PIK3CB: variants seen among roughly 807,000 people sequenced by gnomAD.
PIK3CB encodes phosphatidylinositol 4,5-bisphosphate 3-kinase catalytic subunit beta isoform.
Under a neutral mutation model 136.8 loss-of-function variants are expected in PIK3CB, and 39 were observed. The ratio of observed to expected loss-of-function variants is 0.29; its 90% CI spans 0.22 to 0.37. The LOEUF is 0.37. Among genes scored for constraint, PIK3CB ranks in the 10% least tolerant of loss-of-function variants. The pLI is 1.00. For synonymous variants in PIK3CB, 428 were observed against 436.6 expected, an observed-to-expected ratio of 0.98 and a Z score of 0.25; for missense variants, 868 against 1,275.4, an observed-to-expected ratio of 0.68 and a Z score of 4.87.
At chr3:138,722,779 T>C (rs868506705) in intron 8 of PIK3CB, among the ~76,000 whole-genome samples, 5 of 150,962 alleles carry the variant, frequency 3.3e-5, no homozygotes, top group Middle Eastern at 6.4e-3. Flanking sequence ...CAACAAAAAA[T>C]GTGATCTTGA....
intron 2 of PIK3CB, among the ~76,000 whole-genome samples, chr3:138,791,880 A>G (rs76883319): frequency 1.3e-3 from 198 of 152,292 alleles, no homozygotes; most frequent in Non-Finnish European, 2.4e-3. Flanking sequence ...TTTCCCTAAT[A>G]TATTTCCATA....
intron 1 of PIK3CB, among the ~76,000 whole-genome samples, chr3:138,815,964 C>T (rs893655841): frequency 6.6e-6 from 1 of 152,216 alleles, no homozygotes; most frequent in African/African-American, 2.4e-5. Flanking sequence ...CACACACACA[C>T]ACTCAGTGAT....
chr3:138,689,973 T>C (rs77387440), intron 15 of PIK3CB, among the ~76,000 whole-genome samples: 3 of 152,152 alleles, frequency 2.0e-5, no homozygotes, highest in Non-Finnish European at 4.4e-5. Context: ...CCAATTTTTT[T>C]CTTACTTAAA....
chr3:138,661,679 G>A (rs2043298258), intron 21 of PIK3CB, among the ~76,000 whole-genome samples: 1 of 152,184 alleles, frequency 6.6e-6, no homozygotes, highest in African/African-American at 2.4e-5. Context: ...ATGTATTATA[G>A]TGCATTACAA....
At chr3:138,757,301 T>C (rs1228016261) in intron 3 of PIK3CB, among the ~76,000 whole-genome samples, 2 of 151,838 alleles carry the variant, frequency 1.3e-5, no homozygotes, top group Non-Finnish European at 2.9e-5. Context: ...CTACTCAGGA[T>C]GCTGAAGCAG....
intron 8 of PIK3CB, among the ~76,000 whole-genome samples, chr3:138,732,873 TAC>T (rs1221719624): frequency 2.6e-5 from 4 of 151,986 alleles, no homozygotes; most frequent in African/African-American, 9.7e-5. Context: ...CACATATAGT[TAC>T]CTTTGTTTTT....
chr3:138,822,341 T>C (rs1226993583), intron 1 of PIK3CB, among the ~76,000 whole-genome samples: 2 of 150,660 alleles, frequency 1.3e-5, no homozygotes, highest in African/African-American at 2.4e-5. Flanking sequence ...AGATCAGGAG[T>C]TCGAGACCAG....
At chr3:138,822,422 CTGTAGTTCCAGCT>C (rs1242463927) in intron 1 of PIK3CB, among the ~76,000 whole-genome samples, 3 of 151,530 alleles carry the variant, frequency 2.0e-5, no homozygotes, top group African/African-American at 7.3e-5. Flanking sequence ...TGGCATGCAC[CTGTAGTTCCAGCT>C]TCTCAGGAGG....
At chr3:138,776,028 T>C (rs891399908) in intron 2 of PIK3CB, among the ~76,000 whole-genome samples, 2 of 152,002 alleles carry the variant, frequency 1.3e-5, no homozygotes, top group African/African-American at 4.8e-5. Flanking sequence ...TGAAACCCAG[T>C]CTCTACTAAA....
At chr3:138,741,610 T>C (rs192801752) in intron 5 of PIK3CB, among the ~76,000 whole-genome samples, 57 of 152,206 alleles carry the variant, frequency 3.7e-4, no homozygotes, top group Admixed American at 1.1e-3. Flanking sequence ...GGGTGGATCA[T>C]CTGAGGTCAG....
At chr3:138,692,880 C>A (rs1023919179) in intron 14 of PIK3CB, among the ~76,000 whole-genome samples, 30 of 152,018 alleles carry the variant, frequency 2.0e-4, no homozygotes, top group Non-Finnish European at 2.8e-4. Flanking sequence ...CACAAATGCA[C>A]CATCCAAGGG....
Position 138,759,276 on chromosome 3 carries a change from T to A in PIK3CB, c.68A>T (p.Gln23Leu). Residue 23 changes from glutamine (Q) to leucine (L), a missense_variant, in exon 3 of 24, where the codon CAG becomes CTG. Gln to Leu is a moderately radical substitution (Grantham distance 113, BLOSUM62 -2). Around this residue, in one of 4 missense-constraint regions of PIK3CB, gnomAD observed 612 missense variants for 801.1 expected, o/e 0.76. Coordinates refer to ENST00000674063, the MANE Select transcript of PIK3CB (RefSeq NM_006219.3). ...DILDIWAVDS[Q>L]IASDGSIPVD... ...AGGTATGGAGCCATCAGATGCTATC[T>A]GTGAATCCACCGCCCAGATGTCAAG... 1 of 1,613,348 alleles carries A rather than the reference T, an allele frequency of 6.2e-7. No individual in the cohort carries two copies. Among genetic ancestry groups the A allele is most frequent in the East Asian group, 2.2e-5 (1 of 44,876 alleles).
intron 2 of PIK3CB, among the ~76,000 whole-genome samples, chr3:138,772,633 A>G (rs1305065565): frequency 1.6e-5 from 2 of 123,244 alleles, no homozygotes; most frequent in African/African-American, 6.0e-5. Context: ...CATTCTTTTG[A>G]TTTTTTTTTT....
At chr3:138,779,371 C>G (rs1307316652) in intron 2 of PIK3CB, among the ~76,000 whole-genome samples, 1 of 150,134 alleles carries the variant, frequency 6.7e-6, no homozygotes, top group East Asian at 2.0e-4. Context: ...CAGGCGTGAG[C>G]CACCACGCCC....
At position 138,737,812 on chromosome 3, in the gene PIK3CB, C is replaced by A. The variant is rs767088133; in HGVS notation, c.696G>T (p.Leu232Phe). 19 of 1,609,036 alleles carry A rather than the reference C, an allele frequency of 1.2e-5. No individual in the cohort carries two copies. Among genetic ancestry groups the A allele is most frequent in the Admixed American group, 1.0e-4 (6 of 59,430 alleles). The change falls in exon 6 of 24, where the codon TTG (leucine) becomes TTT (phenylalanine). Residue 232 changes from leucine to phenylalanine, a missense_variant. Leu to Phe is a conservative substitution (Grantham distance 22). This residue lies in a region of PIK3CB where 612 missense variants were observed against 801.1 expected (regional missense o/e 0.76). Transcript: ENST00000674063. The stretch of plus-strand genomic sequence containing the variant: ...CTTCATCTTCCTTCCCATGAATAGT[C>A]AAACGTTTTTGGATTGCCAATTCAT... ...KVNELAIQKRLTIHGKEDEVS... is the reference protein window; with the variant it reads ...KVNELAIQKRFTIHGKEDEVS...
chr3:138,660,395 T>A lies in PIK3CB; in HGVS notation c.2797-2560A>T, dbSNP rs553237170. On this transcript the variant is annotated intron_variant, in intron 21 of 23. Transcript: ENST00000674063. ...TATTACTTTAAAGATACAATATATT[T>A]TTTTGCTTTGATTTTTAAAATCACC... Among the ~76,000 whole-genome samples, 5 of 152,344 alleles carry A rather than the reference T, an allele frequency of 3.3e-5. No homozygotes were observed. The South Asian group carries it at 1.0e-3, about 32-fold the overall frequency.
At chr3:138,709,497 T>C (rs2044450420) in intron 10 of PIK3CB, among the ~76,000 whole-genome samples, 1 of 152,032 alleles carries the variant, frequency 6.6e-6, no homozygotes, top group Non-Finnish European at 1.5e-5. Flanking sequence ...CATAAAAAAA[T>C]TATGGAAAGT....
At chr3:138,798,142 C>A (rs967579158) in intron 1 of PIK3CB, among the ~76,000 whole-genome samples, 1 of 151,914 alleles carries the variant, frequency 6.6e-6, no homozygotes, top group Non-Finnish European at 1.5e-5. Context: ...AAACAAGAAT[C>A]TGCAGTTATT....
intron 1 of PIK3CB, among the ~76,000 whole-genome samples, chr3:138,826,725 C>T (rs980226229): frequency 3.3e-5 from 5 of 151,932 alleles, no homozygotes; most frequent in Admixed American, 1.3e-4. Flanking sequence ...CTCTCACACA[C>T]GTGTGCAATG....
Sources: allele counts gnomAD v4.1 joint callset (sites outside exome capture counted in the v4.1 genomes callset), GRCh38; gene constraint gnomAD v4.1.1; regional missense constraint gnomAD v4.1.1; transcripts MANE v1.5; gene names NCBI Gene and HGNC (gene_info 2026-07-23, HGNC 2026-07-21).